DNAJC1: variants seen among roughly 807,000 people sequenced by gnomAD.
DNAJC1 encodes dnaJ homolog subfamily C member 1.
In DNAJC1, 58 loss-of-function variants were observed where a neutral mutation model predicts 76.6. The ratio of observed to expected loss-of-function variants is 0.76; its 90% CI spans 0.61 to 0.94. DNAJC1 has a LOEUF of 0.94. Ranked by LOEUF, DNAJC1 falls within the 40% of genes least tolerant of loss-of-function variation. DNAJC1 has a pLI of 0.00. For missense variants in DNAJC1, 689 were observed against 677.3 expected (o/e 1.02, Z -0.19); for synonymous variants, 258 against 267.9 (o/e 0.96, Z 0.36).
chr10:21,955,163 C>T (rs1184588481), intron 1 of DNAJC1, among the ~76,000 whole-genome samples: 2 of 152,158 alleles, frequency 1.3e-5, no homozygotes, highest in African/African-American at 4.8e-5. Context: ...TTCAGAATCA[C>T]TGATATAAAA....
intron 7 of DNAJC1, among the ~76,000 whole-genome samples, chr10:21,894,848 T>C (rs981812928): frequency 7.2e-5 from 11 of 152,286 alleles, no homozygotes; most frequent in African/African-American, 2.6e-4. Context: ...TTCTATCTCT[T>C]CTGCCATGTG....
At chr10:21,779,103 C>G (rs1039322564) in intron 9 of DNAJC1, among the ~76,000 whole-genome samples, 2 of 152,196 alleles carry the variant, frequency 1.3e-5, no homozygotes, top group African/African-American at 2.4e-5. Context: ...CCAGGAAGCT[C>G]GAACTGGGTT....
intron 1 of DNAJC1, among the ~76,000 whole-genome samples, chr10:21,963,793 T>C (rs1227314056): frequency 6.6e-6 from 1 of 152,260 alleles, no homozygotes; most frequent in Non-Finnish European, 1.5e-5. Flanking sequence ...AATGTGTTTA[T>C]TGATATACAT....
At chr10:21,831,985 T>C (rs1384468154) in intron 8 of DNAJC1, among the ~76,000 whole-genome samples, 1 of 152,090 alleles carries the variant, frequency 6.6e-6, no homozygotes, top group Non-Finnish European at 1.5e-5. Context: ...CATCCTGTGA[T>C]TTCCAGGTGC....
chr10:21,952,040 A>G (rs1304785333), intron 1 of DNAJC1, among the ~76,000 whole-genome samples: 1 of 152,214 alleles, frequency 6.6e-6, no homozygotes, highest in African/African-American at 2.4e-5. Flanking sequence ...ATACATCCTG[A>G]AATGAATTTA....
In DNAJC1 at chr10:21,862,972, A is replaced by G. The variant is rs145331277; in HGVS notation, c.978+19310T>C. 7.7e-3 allele frequency among the ~76,000 whole-genome samples: 1,165 copies of G among 152,124 alleles called. 20 individuals are homozygous for G. Among genetic ancestry groups the G allele is most frequent in the Middle Eastern group, 0.017 (5 of 294 alleles). ...ACATGGAGTAATCCCATCTATACTA[A>G]AAATACAAAATTAGCAAGGCATGGT... is the stretch of plus-strand genomic sequence containing the variant. On this transcript the variant is annotated intron_variant, in intron 8 of 11. Coordinates refer to ENST00000376980, the MANE Select transcript of DNAJC1 (RefSeq NM_022365.4).
At chr10:21,941,048 G>A (rs1182854821) in intron 1 of DNAJC1, among the ~76,000 whole-genome samples, 1 of 143,404 alleles carries the variant, frequency 7.0e-6, no homozygotes, top group South Asian at 2.2e-4. Context: ...TCAGGAGATC[G>A]AGACCATCCT....
At chr10:21,951,492 A>G (rs1837594237) in intron 1 of DNAJC1, among the ~76,000 whole-genome samples, 1 of 152,122 alleles carries the variant, frequency 6.6e-6, no homozygotes, top group South Asian at 2.1e-4. Context: ...TATAGCAAAC[A>G]ACAGCTTTGT....
At chr10:21,773,598 A>G (rs1237198754) in intron 9 of DNAJC1, among the ~76,000 whole-genome samples, 2 of 152,192 alleles carry the variant, frequency 1.3e-5, no homozygotes, top group African/African-American at 4.8e-5. Flanking sequence ...CGTATATTCT[A>G]TTGTTAGATG....
Position 22,003,193 on chromosome 10 carries a change from C to A in DNAJC1, c.222+20G>T, listed in dbSNP as rs763733620. The A allele has an allele frequency of 4.0e-6, 6 of 1,512,722 alleles. No homozygotes were observed. In the South Asian group the frequency reaches 7.7e-5, roughly 20 times the overall value. The allele number at this position is 1,512,722 out of a possible 1,614,324, so 93.7% of individuals were successfully genotyped here. On this transcript the variant is annotated intron_variant, in intron 1 of 11. Transcript: ENST00000376980. Reference sequence around the variant, plus strand: ...TGCCCTGGCCCCTCTCCGCCCGGCCCCGCGCGCCTCCTTGCTTACCTGCTG... The same window carrying A: ...TGCCCTGGCCCCTCTCCGCCCGGCCACGCGCGCCTCCTTGCTTACCTGCTG...
chr10:21,975,946 A>T (rs1838054725), intron 1 of DNAJC1, among the ~76,000 whole-genome samples: 1 of 152,234 alleles, frequency 6.6e-6, no homozygotes, highest in Non-Finnish European at 1.5e-5. Context: ...AGTTTCTTCT[A>T]GATAAATTAT....
chr10:22,003,003 T>G (rs774957054), intron 1 of DNAJC1, among the ~76,000 whole-genome samples: 2 of 152,138 alleles, frequency 1.3e-5, no homozygotes, highest in Non-Finnish European at 2.9e-5. Flanking sequence ...TCACTGGGGC[T>G]GGGACTAGAA....
At chr10:21,913,895 G>T (rs1327275459) in intron 6 of DNAJC1, among the ~76,000 whole-genome samples, 6 of 152,078 alleles carry the variant, frequency 3.9e-5, no homozygotes, top group Non-Finnish European at 5.9e-5. Context: ...CACATCTTCT[G>T]GGGATCACTC....
At chr10:21,757,254 C>CA (rs1483778039) in intron 11 of DNAJC1, among the ~76,000 whole-genome samples, 2 of 152,274 alleles carry the variant, frequency 1.3e-5, no homozygotes, top group East Asian at 1.9e-4. Flanking sequence ...CTCCTGGCCC[C>CA]ACCTCCATCC....
At chr10:21,813,218 C>CTA (rs1387541271) in intron 8 of DNAJC1, among the ~76,000 whole-genome samples, 62 of 29,626 alleles carry the variant, frequency 2.1e-3, no homozygotes, top group Non-Finnish European at 3.0e-3. Context: ...CTCTCTCTCT[C>CTA]TCTATATATA....
intron 8 of DNAJC1, among the ~76,000 whole-genome samples, chr10:21,881,991 A>G (rs1317118578): frequency 6.6e-6 from 1 of 152,000 alleles, no homozygotes; most frequent in African/African-American, 2.4e-5. Flanking sequence ...TGTCTCTACT[A>G]AAAACACAAA....
At chr10:21,836,932 C>T (rs1054250500) in intron 8 of DNAJC1, among the ~76,000 whole-genome samples, 3 of 152,236 alleles carry the variant, frequency 2.0e-5, no homozygotes, top group South Asian at 4.1e-4. Flanking sequence ...TCCTCTCCCT[C>T]TCTCTCCACG....
At chr10:21,810,306 T>C (rs978109894) in intron 8 of DNAJC1, among the ~76,000 whole-genome samples, 29 of 152,194 alleles carry the variant, frequency 1.9e-4, no homozygotes, top group African/African-American at 7.0e-4. Flanking sequence ...TGAATTAACA[T>C]CTACTGAAAT....
intron 1 of DNAJC1, among the ~76,000 whole-genome samples, chr10:21,973,918 C>A (rs1036897805): frequency 6.6e-6 from 1 of 151,640 alleles, no homozygotes; most frequent in Non-Finnish European, 1.5e-5. Context: ...GACTGGGCAA[C>A]ATGGTGTAAC....
Sources: gnomAD v4.1 joint callset for allele counts (sites outside exome capture counted in the v4.1 genomes callset) on GRCh38, gnomAD v4.1.1 for gene constraint, MANE v1.5 for transcripts, NCBI Gene and HGNC (gene_info 2026-07-23, HGNC 2026-07-21) for gene names.